MAML2: variants seen among roughly 807,000 people sequenced by gnomAD.
The protein encoded by MAML2 is mastermind-like protein 2.
In MAML2, 22 loss-of-function variants were observed where a neutral mutation model predicts 96.1. That is an observed-to-expected ratio of 0.23 (90% confidence interval 0.16 to 0.33). The LOEUF is 0.33. Ranked by LOEUF, MAML2 falls within the 10% of genes least tolerant of loss-of-function variation. The pLI is 1.00. For synonymous variants in MAML2, 561 were observed against 521.3 expected, an observed-to-expected ratio of 1.08 and a Z score of -1.04; for missense variants, 1,367 against 1,392.4, an observed-to-expected ratio of 0.98 and a Z score of 0.29.
chr11:96,118,431 G>A (rs924328456), intron 1 of MAML2, among the ~76,000 whole-genome samples: 25 of 152,128 alleles, frequency 1.6e-4, no homozygotes, highest in African/African-American at 5.6e-4. Context: ...CATGAAAGAC[G>A]TGCCTTGCTT....
intron 1 of MAML2, among the ~76,000 whole-genome samples, chr11:96,243,805 C>T (rs1236341719): frequency 6.6e-6 from 1 of 152,120 alleles, no homozygotes; most frequent in Non-Finnish European, 1.5e-5. Context: ...AGGCGCACGC[C>T]ACCACGCCTG....
At chr11:96,274,421 A>G (rs1033415523) in intron 1 of MAML2, among the ~76,000 whole-genome samples, 18 of 152,046 alleles carry the variant, frequency 1.2e-4, no homozygotes, top group Non-Finnish European at 2.5e-4. Context: ...TTCTTTATAG[A>G]CATCTTTACA....
chr11:96,212,150 T>TGTGTGGGG (rs60072122), intron 1 of MAML2, among the ~76,000 whole-genome samples: 1 of 127,484 alleles, frequency 7.8e-6, no homozygotes, highest in Non-Finnish European at 1.7e-5. Flanking sequence ...TGTGTGTGTG[T>TGTGTGGGG]GGAAGGGGGA....
At chr11:96,324,812 G>C (rs1400527355) in intron 1 of MAML2, among the ~76,000 whole-genome samples, 1 of 152,140 alleles carries the variant, frequency 6.6e-6, no homozygotes, top group African/African-American at 2.4e-5. Flanking sequence ...AAAGTTAAGA[G>C]ACCAATCTTG....
At chr11:96,169,761 T>C (rs775926757) in intron 1 of MAML2, among the ~76,000 whole-genome samples, 2 of 151,858 alleles carry the variant, frequency 1.3e-5, no homozygotes, top group Non-Finnish European at 2.9e-5. Context: ...TTCAAGCGAT[T>C]CTCCTGCCTC....
At chr11:96,159,407 C>CTTTGTTTTTTTTTTTTT (rs1861066403) in intron 1 of MAML2, among the ~76,000 whole-genome samples, 1 of 91,122 alleles carries the variant, frequency 1.1e-5, no homozygotes, top group Non-Finnish European at 2.0e-5. Context: ...ACCACTGATT[C>CTTTGTTTTTTTTTTTTT]TTTTTTTTTT....
chr11:96,077,219 C>CTTTTTTTT (rs371672772), intron 2 of MAML2, among the ~76,000 whole-genome samples: 1,221 of 94,088 alleles, frequency 0.013, 73 homozygotes, highest in African/African-American at 0.049. Flanking sequence ...CTCTCTCTCT[C>CTTTTTTTT]TTTTTTTTTT....
rs369589346 is a variant in MAML2, at chr11:96,340,417, C to T, written c.513+966G>A. ...GCAGGGTTCTACCTTCCACCAGAGGCCACTGGTCCAGCAGCTTTGGGGGGA... is the reference window on the plus strand; with the variant it reads ...GCAGGGTTCTACCTTCCACCAGAGGTCACTGGTCCAGCAGCTTTGGGGGGA... On this transcript the variant is annotated intron_variant, in intron 1 of 4. Transcript: ENST00000524717. 2.2e-4 allele frequency among the ~76,000 whole-genome samples: 33 copies of T among 152,308 alleles called. No individual in the cohort carries two copies. The East Asian group carries it at 6.2e-3, about 29-fold the overall frequency.
rs1321722486 is a variant in MAML2 at position 96,342,197 on chromosome 11, T to G, written c.-302A>C. The stretch of plus-strand genomic sequence containing the variant: ...GAAGTTGGACAGAGTTGGTGGATTT[T>G]TTTTCCTCCACCAAGCTGACAAGAG... On this transcript the variant is annotated 5_prime_UTR_variant, in exon 1 of 5. Coordinates refer to ENST00000524717, the MANE Select transcript of MAML2 (RefSeq NM_032427.4). The G allele has an allele frequency of 4.2e-6, 2 of 471,710 alleles. No homozygotes were observed. Among genetic ancestry groups the G allele is most frequent in the Non-Finnish European group, 7.5e-6 (2 of 268,146 alleles). 29.2% of individuals were successfully genotyped at this position (471,710 alleles called of 1,614,324 possible).
Position 96,329,476 on chromosome 11 carries a change from G to A in MAML2, c.513+11907C>T, listed in dbSNP as rs190774782. On this transcript the variant is annotated intron_variant, in intron 1 of 4. Transcript: ENST00000524717. ...CTTCCTCAATAAACATATGTAAGAA[G>A]AGACTGAAATTTGAGAAACAAAATC... Among the ~76,000 whole-genome samples, 39 of 152,292 alleles carry A rather than the reference G, an allele frequency of 2.6e-4. No homozygotes were observed. In the East Asian group the frequency reaches 6.9e-3, roughly 27 times the overall value.
At chr11:96,251,373 A>G (rs1201066243) in intron 1 of MAML2, among the ~76,000 whole-genome samples, 1 of 152,206 alleles carries the variant, frequency 6.6e-6, no homozygotes, top group Non-Finnish European at 1.5e-5. Flanking sequence ...AGGTATTGGG[A>G]TAATTAGATA....
intron 2 of MAML2, among the ~76,000 whole-genome samples, chr11:96,012,303 C>G (rs574724250): frequency 6.6e-6 from 1 of 152,308 alleles, no homozygotes; most frequent in African/African-American, 2.4e-5. Context: ...CCAAAACAGT[C>G]CCTCATTACA....
chr11:96,303,232 T>C (rs956296296), intron 1 of MAML2, among the ~76,000 whole-genome samples: 1 of 152,212 alleles, frequency 6.6e-6, no homozygotes, highest in Non-Finnish European at 1.5e-5. Flanking sequence ...ACAGGAGAGA[T>C]AAAACTCCCT....
chr11:96,109,033 A>C (rs925462471), intron 1 of MAML2, among the ~76,000 whole-genome samples: 1 of 151,696 alleles, frequency 6.6e-6, no homozygotes, highest in Non-Finnish European at 1.5e-5. Context: ...AAAAAAAAAA[A>C]TGTATAAGCA....
chr11:96,072,346 A>G (rs1425227038), intron 2 of MAML2, among the ~76,000 whole-genome samples: 3 of 152,346 alleles, frequency 2.0e-5, no homozygotes, highest in East Asian at 1.9e-4. Flanking sequence ...CTCGAATTCT[A>G]GAGATTCACT....
chr11:96,331,643 C>CAA (rs557874088), intron 1 of MAML2, among the ~76,000 whole-genome samples: 66 of 145,310 alleles, frequency 4.5e-4, no homozygotes, highest in African/African-American at 7.9e-4. Context: ...ACTAAAAATA[C>CAA]AAAAAAAAAA....
chr11:96,076,430 T>TCACACA (rs1248476184), intron 2 of MAML2, among the ~76,000 whole-genome samples: 48 of 136,514 alleles, frequency 3.5e-4, no homozygotes, highest in African/African-American at 1.4e-3. Flanking sequence ...TCTCTCTCTC[T>TCACACA]CTCACACACA....
intron 1 of MAML2, among the ~76,000 whole-genome samples, chr11:96,282,964 G>C (rs1220872888): frequency 6.6e-6 from 1 of 152,108 alleles, no homozygotes; most frequent in East Asian, 1.9e-4. Flanking sequence ...ACTAACTGCT[G>C]TATTTTTCCA....
intron 1 of MAML2, among the ~76,000 whole-genome samples, chr11:96,299,650 G>A (rs1863359145): frequency 6.6e-6 from 1 of 152,176 alleles, no homozygotes; most frequent in African/African-American, 2.4e-5. Context: ...CCCTAGCTCC[G>A]GTGCCTCTGG....
Sources: allele counts gnomAD v4.1 joint callset (sites outside exome capture counted in the v4.1 genomes callset), GRCh38; gene constraint gnomAD v4.1.1; transcripts MANE v1.5; gene names NCBI Gene and HGNC (gene_info 2026-07-23, HGNC 2026-07-21).